ADAMTS12: variants seen among roughly 807,000 people sequenced by gnomAD.
The protein encoded by ADAMTS12 is ADAM metallopeptidase with thrombospondin type 1 motif 12.
Under a neutral mutation model 167.8 loss-of-function variants are expected in ADAMTS12, and 118 were observed. The ratio of observed to expected loss-of-function variants is 0.70; its 90% CI spans 0.61 to 0.82. The LOEUF is 0.82. Among genes scored for constraint, ADAMTS12 ranks in the 40% least tolerant of loss-of-function variants. ADAMTS12 has a pLI of 0.00. For synonymous variants in ADAMTS12, 704 were observed against 716.9 expected (o/e 0.98, Z 0.29); for missense variants, 1,916 against 1,998.8 (o/e 0.96, Z 0.79).
intron 1 of ADAMTS12, among the ~76,000 whole-genome samples, chr5:33,889,097 G>A (rs139178350): frequency 1.8e-4 from 28 of 152,226 alleles, no homozygotes; most frequent in African/African-American, 6.5e-4. Flanking sequence ...TTTATTAGGT[G>A]CTCAATCATA....
At chr5:33,756,747 G>C (rs939442694) in intron 2 of ADAMTS12, among the ~76,000 whole-genome samples, 2 of 152,166 alleles carry the variant, frequency 1.3e-5, no homozygotes, top group Non-Finnish European at 2.9e-5. Context: ...AATATGGACT[G>C]AAGCCAGGAA....
chr5:33,839,895 T>C (rs1257585327), intron 2 of ADAMTS12, among the ~76,000 whole-genome samples: 3 of 152,258 alleles, frequency 2.0e-5, no homozygotes, highest in African/African-American at 4.8e-5. Flanking sequence ...AGTTCTTCTG[T>C]GTTTTACTAG....
At chr5:33,642,739 T>G (rs571219652) in intron 10 of ADAMTS12, among the ~76,000 whole-genome samples, 4 of 152,364 alleles carry the variant, frequency 2.6e-5, no homozygotes, top group Non-Finnish European at 4.4e-5. Flanking sequence ...TATCCTTTTT[T>G]TCCTCTTGTG....
chr5:33,710,677 T>G (rs1316134201), intron 3 of ADAMTS12, among the ~76,000 whole-genome samples: 1 of 152,174 alleles, frequency 6.6e-6, no homozygotes, highest in Non-Finnish European at 1.5e-5. Flanking sequence ...CTATGCACTG[T>G]GGAAGACACG....
At chr5:33,739,020 G>A (rs576908356) in intron 3 of ADAMTS12, among the ~76,000 whole-genome samples, 115 of 152,246 alleles carry the variant, frequency 7.6e-4, no homozygotes, top group Admixed American at 1.6e-3. Context: ...CCTTTCGTTC[G>A]GAGGTGTTTG....
At chr5:33,707,883 T>C (rs1038815253) in intron 3 of ADAMTS12, among the ~76,000 whole-genome samples, 2 of 152,120 alleles carry the variant, frequency 1.3e-5, no homozygotes, top group South Asian at 2.1e-4. Context: ...ATTCAGAACA[T>C]AGGCATGGAC....
intron 2 of ADAMTS12, 172 bp downstream of exon 2, chr5:33,880,947 T>C (rs1750411797): frequency 2.2e-6 from 2 of 925,154 alleles, no homozygotes; most frequent in Non-Finnish European, 1.6e-6. Context: ...CAAGTCGATC[T>C]CTTTTATTTA....
rs368524311 is a variant in ADAMTS12, at chr5:33,619,944, C to T, written c.2144-3872G>A. Among the ~76,000 whole-genome samples, 11 of 152,310 alleles carry T rather than the reference C, an allele frequency of 7.2e-5. No individual in the cohort carries two copies. In the East Asian group the frequency reaches 7.7e-4, roughly 11 times the overall value. On this transcript the variant is annotated intron_variant, in intron 14 of 23. Coordinates refer to ENST00000504830, the MANE Select transcript of ADAMTS12 (RefSeq NM_030955.4). Reference sequence around the variant, plus strand: ...TCTTGACCTCGTGATCTGCCCTCCTCGGCCTCCCAAAGTGTTGGGATTACA... The same window carrying T: ...TCTTGACCTCGTGATCTGCCCTCCTTGGCCTCCCAAAGTGTTGGGATTACA...
chr5:33,890,697 G>A (rs373024525), intron 1 of ADAMTS12, among the ~76,000 whole-genome samples: 1 of 152,158 alleles, frequency 6.6e-6, no homozygotes, highest in African/African-American at 2.4e-5. Flanking sequence ...GCGTGTGCAT[G>A]CGTGTGGGTG....
At chr5:33,836,944 T>C (rs62349836) in intron 2 of ADAMTS12, among the ~76,000 whole-genome samples, 3,655 of 152,102 alleles carry the variant, frequency 0.024, 70 homozygotes, top group East Asian at 0.032. Context: ...AGGCAGGGTC[T>C]CACTATGTTG....
chr5:33,589,919 CAA>C (rs1747551149), intron 17 of ADAMTS12, among the ~76,000 whole-genome samples: 1 of 152,074 alleles, frequency 6.6e-6, no homozygotes, highest in Admixed American at 6.5e-5. Flanking sequence ...CTTTTAATCT[CAA>C]GTTAAAAATA....
At chr5:33,653,307 G>A (rs1427742950) in intron 7 of ADAMTS12, among the ~76,000 whole-genome samples, 2 of 152,018 alleles carry the variant, frequency 1.3e-5, no homozygotes, top group Admixed American at 6.6e-5. Context: ...CTGTTACAAT[G>A]GTGGATTATG....
In ADAMTS12 at chr5:33,696,308, C is replaced by T. The variant is rs188524415; in HGVS notation, c.635-12253G>A. On this transcript the variant is annotated intron_variant, in intron 3 of 23. Coordinates refer to ENST00000504830, the MANE Select transcript of ADAMTS12 (RefSeq NM_030955.4). ...CGGTGGCGGGCGCCTGTAGTCCCAG[C>T]TACTCGGGAGGCTGAGGCAGGAGAA... is the stretch of plus-strand genomic sequence containing the variant. 4.0e-3 allele frequency among the ~76,000 whole-genome samples: 610 copies of T among 151,240 alleles called. 5 individuals carry two copies. Among genetic ancestry groups the T allele is most frequent in the African/African-American group, 0.014 (580 of 41,156 alleles).
intron 2 of ADAMTS12, among the ~76,000 whole-genome samples, chr5:33,815,618 G>A (rs1394444220): frequency 6.6e-6 from 1 of 152,144 alleles, no homozygotes; most frequent in African/African-American, 2.4e-5. Flanking sequence ...GATTTTAGAG[G>A]ATTATGGGGA....
intron 8 of ADAMTS12, among the ~76,000 whole-genome samples, 189 bp downstream of exon 8, chr5:33,649,365 G>A (rs1740792617): frequency 6.6e-6 from 1 of 152,170 alleles, no homozygotes; most frequent in Non-Finnish European, 1.5e-5. Flanking sequence ...TGACAAGAGG[G>A]CAGAGCCCAT....
chr5:33,566,519 T>G (rs1375337381), intron 19 of ADAMTS12, among the ~76,000 whole-genome samples: 1 of 152,160 alleles, frequency 6.6e-6, no homozygotes, highest in Non-Finnish European at 1.5e-5. Flanking sequence ...CTCTTCTTCA[T>G]TCCCCATATC....
chr5:33,660,145 A>G (rs1359928194), intron 6 of ADAMTS12, among the ~76,000 whole-genome samples: 4 of 152,198 alleles, frequency 2.6e-5, no homozygotes, highest in Non-Finnish European at 5.9e-5. Flanking sequence ...TCCACTGTCT[A>G]GGAGCTGTTG....
intron 2 of ADAMTS12, among the ~76,000 whole-genome samples, chr5:33,870,518 G>A (rs562925813): frequency 1.3e-5 from 2 of 152,324 alleles, no homozygotes; most frequent in South Asian, 4.2e-4. Flanking sequence ...ACAGTGTACA[G>A]TGTACTTTTG....
chr5:33,772,568 T>C (rs1745786016), intron 2 of ADAMTS12, among the ~76,000 whole-genome samples: 2 of 152,208 alleles, frequency 1.3e-5, no homozygotes, highest in Non-Finnish European at 2.9e-5. Flanking sequence ...ACAGTTTCCT[T>C]ATGTGCCTGT....
Sources: allele counts gnomAD v4.1 joint callset (sites outside exome capture counted in the v4.1 genomes callset), GRCh38; gene constraint gnomAD v4.1.1; transcripts MANE v1.5; gene names NCBI Gene and HGNC (gene_info 2026-07-23, HGNC 2026-07-21).